The following SHOC1 variants were observed in gnomAD, a reference collection of about 807,000 sequenced individuals.
SHOC1 encodes protein shortage in chiasmata 1 ortholog.
A neutral mutation model predicts 179.2 loss-of-function variants in SHOC1; 136 were observed. The ratio of observed to expected loss-of-function variants is 0.76; its 90% CI spans 0.66 to 0.87. The LOEUF is 0.87. SHOC1 is among the 40% of genes least tolerant of loss of function. SHOC1 has a pLI of 0.00. For missense variants in SHOC1, 1,538 were observed against 1,700.8 expected (o/e 0.90, Z 1.68); for synonymous variants, 489 against 586.6 (o/e 0.83, Z 2.41).
chr9:111,724,135 A>C (rs974149296), intron 13 of SHOC1, among the ~76,000 whole-genome samples: 3 of 152,168 alleles, frequency 2.0e-5, no homozygotes, highest in Non-Finnish European at 4.4e-5. Context: ...CAGTATTTTG[A>C]ACTCAGTTCT....
chr9:111,737,761 A>T (rs1219782130), intron 12 of SHOC1: 5 of 153,640 alleles, frequency 3.3e-5, no homozygotes, highest in Non-Finnish European at 7.2e-5. Flanking sequence ...AATGCTGTAC[A>T]TAGCAACCCA....
chr9:111,694,934 A>C (rs1343309941), intron 24 of SHOC1, among the ~76,000 whole-genome samples: 2 of 152,126 alleles, frequency 1.3e-5, no homozygotes, highest in Non-Finnish European at 2.9e-5. Context: ...CCCCTGCCAA[A>C]AATGTGGTGT....
In SHOC1 at chr9:111,746,324, A is replaced by G; in HGVS notation, c.989T>C (p.Leu330Pro). ...CSKPGELEMP[L>P]TPLFLTCQHS... Reference sequence around the variant, plus strand: ...TTGGCATGTTAGGAATAGAGGAGTTAGTGGCATTTCTAACTCTCCTGGAAT... The same window carrying G: ...TTGGCATGTTAGGAATAGAGGAGTTGGTGGCATTTCTAACTCTCCTGGAAT... The change falls in exon 10 of 28, where the codon CTA becomes CCA. Residue 330 changes from leucine (L) to proline (P), a missense_variant. Transcript: ENST00000682961. The G allele has an allele frequency of 6.2e-7, 1 of 1,607,700 alleles. No individual in the cohort carries two copies. Among genetic ancestry groups the G allele is most frequent in the Non-Finnish European group, 8.5e-7 (1 of 1,174,430 alleles).
chr9:111,722,671 G>T, intron 14 of SHOC1, 86 bp from the exon 15 acceptor site: 3 of 1,048,542 alleles, frequency 2.9e-6, no homozygotes, highest in African/African-American at 1.7e-5. Flanking sequence ...ATTTCGTGGA[G>T]ATCCGAACTT....
intron 12 of SHOC1, among the ~76,000 whole-genome samples, chr9:111,734,801 GT>G (rs1233624823): frequency 2.6e-5 from 2 of 76,754 alleles, no homozygotes; most frequent in African/African-American, 5.4e-5. Context: ...GCTATTTGTA[GT>G]TTTTTTGTGA....
chr9:111,712,026 T>C (rs1051117469), intron 18 of SHOC1, among the ~76,000 whole-genome samples: 1 of 152,204 alleles, frequency 6.6e-6, no homozygotes, highest in Non-Finnish European at 1.5e-5. Context: ...TAGTGGATTA[T>C]AGATCTCTAA....
chr9:111,770,442 G>T (rs918175496), intron 5 of SHOC1, among the ~76,000 whole-genome samples: 4 of 152,008 alleles, frequency 2.6e-5, no homozygotes, highest in African/African-American at 9.7e-5. Flanking sequence ...CCTAAGATAT[G>T]GTCTATTCTG....
chr9:111,770,008 TA>T (rs1835534137), intron 5 of SHOC1, among the ~76,000 whole-genome samples: 18 of 126,060 alleles, frequency 1.4e-4, no homozygotes, highest in African/African-American at 2.6e-4. Context: ...TTTTTTTTTT[TA>T]GTCTTAGTTT....
At position 111,782,384 on chromosome 9, in the gene SHOC1, A is replaced by G. The variant is rs78273941; in HGVS notation, c.170-1367T>C. ...ACAAACTAGGAAGAATAGCCTTTTC[A>G]GAGTGTCGTTGTAAAGATTAAATGT... On this transcript the variant is annotated intron_variant, in intron 3 of 27. Coordinates refer to ENST00000682961, the MANE Select transcript of SHOC1 (RefSeq NM_001378211.1). Among the ~76,000 whole-genome samples the G allele has an allele frequency of 5.2e-3, 794 of 152,268 alleles. 10 individuals carry two copies. Among genetic ancestry groups the G allele is most frequent in the African/African-American group, 0.019 (769 of 41,542 alleles).
At chr9:111,787,685 A>T (rs924187490) in intron 2 of SHOC1, among the ~76,000 whole-genome samples, 1 of 152,246 alleles carries the variant, frequency 6.6e-6, no homozygotes, top group African/African-American at 2.4e-5. Context: ...AAGGATTCAG[A>T]TTATTCCATA....
chr9:111,693,747 C>G lies in SHOC1; in HGVS notation c.3465+52G>C, dbSNP rs572569210. The G allele has an allele frequency of 1.2e-5, 14 of 1,200,300 alleles. No homozygotes were observed. The East Asian group carries it at 3.4e-4, about 29-fold the overall frequency. The allele number at this position is 1,200,300 out of a possible 1,614,324, so 74.4% of individuals were successfully genotyped here. On this transcript the variant is annotated intron_variant, in intron 26 of 27. Coordinates refer to ENST00000682961, the MANE Select transcript of SHOC1 (RefSeq NM_001378211.1). Reference sequence around the variant, plus strand: ...AAATCCTATTGTAAAAATAGATACTCAAATCGAAAGGAAATAAATTCATAT... The same window carrying G: ...AAATCCTATTGTAAAAATAGATACTGAAATCGAAAGGAAATAAATTCATAT...
intron 7 of SHOC1, 75 bp downstream of exon 7, chr9:111,758,009 T>C: frequency 1.5e-6 from 1 of 686,950 alleles, no homozygotes; most frequent in Non-Finnish European, 2.5e-6. Flanking sequence ...TTGTAGACAA[T>C]GTATATTACA....
At chr9:111,703,786 A>T (rs1832101455) in intron 22 of SHOC1, 95 bp downstream of exon 22, 2 of 600,774 alleles carry the variant, frequency 3.3e-6, no homozygotes, top group Non-Finnish European at 5.5e-6. Context: ...AGAAATCACT[A>T]ATATAGTTAA....
chr9:111,773,418 T>C (rs1835697677), intron 5 of SHOC1, among the ~76,000 whole-genome samples: 1 of 152,170 alleles, frequency 6.6e-6, no homozygotes, highest in South Asian at 2.1e-4. Flanking sequence ...GTTCAAGTGA[T>C]TCTCCTGCCT....
chr9:111,790,613 C>T (rs565073993), intron 2 of SHOC1, among the ~76,000 whole-genome samples: 110 of 139,092 alleles, frequency 7.9e-4, no homozygotes, highest in Middle Eastern at 3.5e-3. Flanking sequence ...GGCGCAGTCT[C>T]GGCTCACTGC....
At chr9:111,740,305 G>A (rs1045815500) in intron 11 of SHOC1, among the ~76,000 whole-genome samples, 1 of 152,152 alleles carries the variant, frequency 6.6e-6, no homozygotes, top group African/African-American at 2.4e-5. Flanking sequence ...AAGTCTCCAA[G>A]GTTTAATAGA....
chr9:111,761,081 G>T (rs1024781348), intron 5 of SHOC1, among the ~76,000 whole-genome samples: 1 of 152,084 alleles, frequency 6.6e-6, no homozygotes, highest in African/African-American at 2.4e-5. Flanking sequence ...TATATAATGT[G>T]AGTGGCATTT....
chr9:111,771,999 C>T (rs1019990193), intron 5 of SHOC1, among the ~76,000 whole-genome samples: 17 of 152,046 alleles, frequency 1.1e-4, no homozygotes, highest in Admixed American at 2.6e-4. Flanking sequence ...CTGCCCTCTG[C>T]CTTTGCTCAG....
intron 4 of SHOC1, among the ~76,000 whole-genome samples, chr9:111,779,655 C>T (rs961911241): frequency 1.3e-5 from 2 of 152,056 alleles, no homozygotes; most frequent in African/African-American, 2.4e-5. Flanking sequence ...GGTGAAAAGA[C>T]ATCTTAGAGA....
Sources: gnomAD v4.1 joint callset for allele counts (sites outside exome capture counted in the v4.1 genomes callset) on GRCh38, gnomAD v4.1.1 for gene constraint, MANE v1.5 for transcripts, NCBI Gene and HGNC (gene_info 2026-07-23, HGNC 2026-07-21) for gene names.